Variants in SCN3A observed in about 807,000 individuals in gnomAD.
SCN3A encodes sodium voltage-gated channel alpha subunit 3.
A neutral mutation model predicts 187.6 loss-of-function variants in SCN3A; 60 were observed. The ratio of observed to expected loss-of-function variants is 0.32; its 90% CI spans 0.26 to 0.40. The LOEUF is 0.40. Ranked by LOEUF, SCN3A falls within the 10% of genes least tolerant of loss-of-function variation. The probability of loss-of-function intolerance (pLI) is 1.00; values close to 1 mark genes in which losing one functional copy is unlikely to be tolerated. For missense variants in SCN3A, 1,601 were observed against 2,428.2 expected (o/e 0.66, Z 7.16); for synonymous variants, 788 against 829.2 (o/e 0.95, Z 0.85).
intron 18 of SCN3A, among the ~76,000 whole-genome samples, chr2:165,126,499 TTTCC>T (rs201607193): frequency 1.1e-4 from 16 of 144,256 alleles, no homozygotes; most frequent in African/African-American, 3.6e-4. Context: ...TCTTTCTTTC[TTTCC>T]TTCTTTTTTT....
At chr2:165,096,586 A>C (rs1477081783) in intron 23 of SCN3A, 66 bp from the exon 24 acceptor site, 1 of 1,092,314 alleles carries the variant, frequency 9.2e-7, no homozygotes, top group Non-Finnish European at 1.4e-6. Flanking sequence ...TAACCAGATG[A>C]AAATCTGACA....
rs1685029273 is a variant in SCN3A at position 165,090,397 on chromosome 2, C to T, written c.5756G>A (p.Arg1919Lys). Reference protein sequence around the residue: ...RNFRCYLLKQRLKNISSNYNK... With the variant: ...RNFRCYLLKQKLKNISSNYNK... ...ATAGTTACTTGATATATTTTTTAAC[C>T]TTTGCTTTAAAAGATAACATCTGAA... The change falls in exon 28 of 28, where the codon AGG (arginine) becomes AAG (lysine). Residue 1919 changes from arginine (R) to lysine (K), a missense_variant. Coordinates refer to ENST00000283254, the MANE Select transcript of SCN3A (RefSeq NM_006922.4). This position sits in a 1 kb window ranked among gnomAD's most constrained non-coding sequence, Gnocchi z 4.0. 1 of 1,612,726 alleles carries T rather than the reference C, an allele frequency of 6.2e-7. No homozygotes were observed. The highest frequency in any genetic ancestry group is 1.3e-5 in the African/African-American group (1 of 74,824).
At chr2:165,104,853 A>G (rs1164367586) in intron 21 of SCN3A, among the ~76,000 whole-genome samples, 1 of 152,226 alleles carries the variant, frequency 6.6e-6, no homozygotes, top group Non-Finnish European at 1.5e-5. Flanking sequence ...TGAACAACAT[A>G]TTTATTTATA....
chr2:165,141,606 G>A (rs748395684), intron 12 of SCN3A, among the ~76,000 whole-genome samples: 1 of 152,178 alleles, frequency 6.6e-6, no homozygotes, highest in Non-Finnish European at 1.5e-5. Flanking sequence ...CATGGGAACA[G>A]AAGTCACAAA....
At chr2:165,114,762 T>C (rs1234176057) in intron 19 of SCN3A, among the ~76,000 whole-genome samples, 1 of 152,194 alleles carries the variant, frequency 6.6e-6, no homozygotes, top group African/African-American at 2.4e-5. Context: ...GGAATGTAAT[T>C]ACTGTAGCAT....
intron 18 of SCN3A, among the ~76,000 whole-genome samples, chr2:165,118,848 C>T (rs6707215): frequency 1.8e-4 from 27 of 152,110 alleles, no homozygotes; most frequent in African/African-American, 4.6e-4. Flanking sequence ...CTGCAAGCTC[C>T]GCTTCCTGGG....
Position 165,140,070 on chromosome 2 carries a change from A to G in SCN3A, c.2020-462T>C, listed in dbSNP as rs1309197531. On this transcript the variant is annotated intron_variant, in intron 13 of 27. Coordinates refer to ENST00000283254, the MANE Select transcript of SCN3A (RefSeq NM_006922.4). The surrounding 1 kb of genome is among the most constrained non-coding windows in gnomAD (Gnocchi z 4.2). ...TGACAATATTGACATATGTGGGCCA[A>G]TTTTTTCCATGCACAAACACAGATG... Among the ~76,000 whole-genome samples the G allele has an allele frequency of 1.3e-5, 2 of 152,032 alleles. No homozygotes were observed. The highest frequency in any genetic ancestry group is 2.9e-5 in the Non-Finnish European group (2 of 68,004).
intron 9 of SCN3A, among the ~76,000 whole-genome samples, chr2:165,158,638 G>C (rs1689199551): frequency 1.5e-5 from 2 of 137,644 alleles, no homozygotes; most frequent in Non-Finnish European, 3.0e-5. Context: ...TAGAATGTCA[G>C]GTAATTGAAA....
rs1687278630 is a variant in SCN3A at position 165,130,936 on chromosome 2, AT to A, written c.2565+307del. Among the ~76,000 whole-genome samples the A allele has an allele frequency of 1.3e-5, 2 of 152,072 alleles. 1 individual carries two copies. Among genetic ancestry groups the A allele is most frequent in the South Asian group, 4.1e-4 (2 of 4,834 alleles). On this transcript the variant is annotated intron_variant, in intron 16 of 27. Coordinates refer to ENST00000283254, the MANE Select transcript of SCN3A (RefSeq NM_006922.4). ...AAAGCTAAAATTAACTGGGGTCTAA[AT>A]TTTTATTTGCGTATCTTTACAGACT...
Position 165,138,130 on chromosome 2 carries a change from T to G in SCN3A, c.2153-13A>C. On this transcript the variant is annotated splice_polypyrimidine_tract_variant and intron_variant, in intron 14 of 27. Coordinates refer to ENST00000283254, the MANE Select transcript of SCN3A (RefSeq NM_006922.4). ...GATTCTTCAAGTTCTGGAGGGACAA[T>G]AACAAGGAAGAGTAGTAAATAACAA... is the stretch of plus-strand genomic sequence containing the variant. The G allele has an allele frequency of 6.3e-7, 1 of 1,581,494 alleles. No homozygotes were observed. Among genetic ancestry groups the G allele is most frequent in the South Asian group, 1.1e-5 (1 of 90,376 alleles).
In SCN3A at chr2:165,089,721, A is replaced by G. The variant is rs1684985797; in HGVS notation, c.*429T>C. On this transcript the variant is annotated 3_prime_UTR_variant, in exon 28 of 28. Coordinates refer to ENST00000283254, the MANE Select transcript of SCN3A (RefSeq NM_006922.4). The stretch of plus-strand genomic sequence containing the variant: ...TTCAACGTAAACCTCATTTACAAAA[A>G]TAGTGACATAGCATTATGAATAAAC... The G allele has an allele frequency of 6.1e-6, 1 of 163,686 alleles. No individual in the cohort carries two copies. The highest frequency in any genetic ancestry group is 1.3e-5 in the Non-Finnish European group (1 of 74,422). The allele number at this position is 163,686 out of a possible 1,614,324, so 10.1% of individuals were successfully genotyped here. A position where few individuals can be genotyped will look rare whatever the true frequency, so the allele number is the denominator to read the frequency against.
intron 19 of SCN3A, among the ~76,000 whole-genome samples, chr2:165,114,897 A>G (rs1191022893): frequency 6.6e-6 from 1 of 152,206 alleles, no homozygotes; most frequent in Non-Finnish European, 1.5e-5. Flanking sequence ...ATGAGAAAAC[A>G]AAAAGACCTA....
At chr2:165,105,445 C>T (rs1468692601) in intron 21 of SCN3A, among the ~76,000 whole-genome samples, 1 of 152,134 alleles carries the variant, frequency 6.6e-6, no homozygotes, top group South Asian at 2.1e-4. Context: ...TTGCTAGCTG[C>T]ACACCTTCCT....
chr2:165,092,636 A>C lies in SCN3A; in HGVS notation c.4537-112T>G. On this transcript the variant is annotated intron_variant, in intron 26 of 27. Transcript: ENST00000283254. The surrounding 1 kb of genome is among the most constrained non-coding windows in gnomAD (Gnocchi z 4.2). ...TACGGGATGGATGTGCACCCTCCTC[A>C]TATTACCCCAAACAATTTTGTGTGC... is the stretch of plus-strand genomic sequence containing the variant. 1.1e-6 allele frequency: 1 copy of C among 949,492 alleles called. No individual in the cohort carries two copies. Among genetic ancestry groups the C allele is most frequent in the Non-Finnish European group, 1.6e-6 (1 of 628,948 alleles). 58.8% of individuals were successfully genotyped at this position (949,492 alleles called of 1,614,324 possible).
At chr2:165,151,334 C>T (rs896775123) in intron 11 of SCN3A, among the ~76,000 whole-genome samples, 3 of 152,064 alleles carry the variant, frequency 2.0e-5, no homozygotes, top group Non-Finnish European at 4.4e-5. Context: ...ATACTGTCAT[C>T]CAAAGAATAC....
chr2:165,162,349 C>A lies in SCN3A; in HGVS notation c.990G>T (p.Gly330=). 6.2e-7 allele frequency: 1 copy of A among 1,612,718 alleles called. No individual in the cohort carries two copies. Among genetic ancestry groups the A allele is most frequent in the Non-Finnish European group, 8.5e-7 (1 of 1,179,636 alleles). The change falls in exon 9 of 28, where the codon GGG becomes GGT. Residue 330 remains glycine, a synonymous_variant. Coordinates refer to ENST00000283254, the MANE Select transcript of SCN3A (RefSeq NM_006922.4). ...GDDSHFYVLD[G]QKDPLLCGNG... ...TTCCACAGAGTAAAGGGTCTTTTTG[C>A]CCATCCAAAACATAAAAGTGACCTG... is the stretch of plus-strand genomic sequence containing the variant.
chr2:165,092,257 C>T lies in SCN3A; in HGVS notation c.4804G>A (p.Val1602Ile). The T allele has an allele frequency of 6.2e-7, 1 of 1,613,930 alleles. No individual in the cohort carries two copies. Among genetic ancestry groups the T allele is most frequent in the South Asian group, 1.1e-5 (1 of 91,072 alleles). ...TTGGTAATTAAGCTGTTCTTACCTACAATGGAGAGAATCACCACCACAAAG... is the reference window on the plus strand; with the variant it reads ...TTGGTAATTAAGCTGTTCTTACCTATAATGGAGAGAATCACCACCACAAAG... ...FDFVVVILSIVGMFLAEMIEK... is the reference protein window; with the variant it reads ...FDFVVVILSIIGMFLAEMIEK... Residue 1602 changes from valine (V) to isoleucine (I), a missense_variant, in exon 27 of 28, where the codon GTA (valine) becomes ATA (isoleucine). Val to Ile is a conservative substitution (Grantham distance 29). This residue lies in a region of SCN3A where 320 missense variants were observed against 623.2 expected (regional missense o/e 0.51). Transcript: ENST00000283254. This position sits in a 1 kb window ranked among gnomAD's most constrained non-coding sequence, Gnocchi z 4.2.
At chr2:165,167,951 G>A (rs1268777565) in intron 5 of SCN3A, among the ~76,000 whole-genome samples, 1 of 152,086 alleles carries the variant, frequency 6.6e-6, no homozygotes, top group Non-Finnish European at 1.5e-5. Context: ...ATTTTATTTT[G>A]ATGAAATCAT....
intron 21 of SCN3A, among the ~76,000 whole-genome samples, chr2:165,109,022 A>G (rs2105693871): frequency 6.6e-6 from 1 of 152,288 alleles, no homozygotes; most frequent in African/African-American, 2.4e-5. Context: ...TCAATTTTAT[A>G]TACCAATATT....
Sources: gnomAD v4.1 joint callset for allele counts (sites outside exome capture counted in the v4.1 genomes callset) on GRCh38, gnomAD v4.1.1 for gene constraint, gnomAD v4.1.1 regional missense constraint, Gnocchi (gnomAD v3.1) non-coding constraint, MANE v1.5 for transcripts, NCBI Gene and HGNC (gene_info 2026-07-23, HGNC 2026-07-21) for gene names.